The following TRAPPC9 variants were observed in gnomAD, a reference collection of about 807,000 sequenced individuals.
TRAPPC9 encodes trafficking protein particle complex subunit 9, also known as IKK2 binding protein.
Under a neutral mutation model 124.0 loss-of-function variants are expected in TRAPPC9, and 83 were observed. The ratio of observed to expected loss-of-function variants is 0.67; its 90% CI spans 0.56 to 0.80. The LOEUF (loss-of-function observed/expected upper bound fraction) is 0.80. Among genes scored for constraint, TRAPPC9 ranks in the 30% least tolerant of loss-of-function variants. The pLI, the probability that TRAPPC9 is intolerant of heterozygous loss-of-function variation, is 0.00. For synonymous variants in TRAPPC9, 638 were observed against 617.5 expected (o/e 1.03, Z -0.49); for missense variants, 1,302 against 1,508.3 (o/e 0.86, Z 2.27).
chr8:139,965,953 G>A (rs1835680741), intron 19 of TRAPPC9, among the ~76,000 whole-genome samples: 1 of 152,218 alleles, frequency 6.6e-6, no homozygotes, highest in African/African-American at 2.4e-5. Context: ...AAGGCCTTCC[G>A]GCACAGCACC....
intron 1 of TRAPPC9, among the ~76,000 whole-genome samples, chr8:140,455,256 C>T (rs1195293084): frequency 6.6e-6 from 1 of 152,090 alleles, no homozygotes; most frequent in Non-Finnish European, 1.5e-5. Flanking sequence ...CCTCGGCCTC[C>T]CGGGTAGCTG....
At chr8:140,386,960 A>C (rs1288162592) in intron 7 of TRAPPC9, among the ~76,000 whole-genome samples, 20 of 149,778 alleles carry the variant, frequency 1.3e-4, no homozygotes, top group South Asian at 2.1e-4. Context: ...TACTGGTACC[A>C]AAACAGAGAT....
intron 7 of TRAPPC9, among the ~76,000 whole-genome samples, chr8:140,393,138 C>A: frequency 6.6e-6 from 1 of 151,608 alleles, no homozygotes. Flanking sequence ...GTGGCGCCAT[C>A]TCGGCGCACT....
At chr8:139,807,777 C>T (rs563914796) in intron 21 of TRAPPC9, among the ~76,000 whole-genome samples, 121 of 150,476 alleles carry the variant, frequency 8.0e-4, no homozygotes, top group African/African-American at 2.9e-3. Context: ...AGTGTAGAGC[C>T]CAGAGGAGGA....
chr8:139,982,373 G>A (rs1398987803), intron 19 of TRAPPC9, among the ~76,000 whole-genome samples: 1 of 152,186 alleles, frequency 6.6e-6, no homozygotes, highest in African/African-American at 2.4e-5. Context: ...TGCCCCTGGT[G>A]GGTCTCGACC....
At chr8:140,401,044 C>CAG (rs1364295155) in intron 6 of TRAPPC9, among the ~76,000 whole-genome samples, 1 of 152,068 alleles carries the variant, frequency 6.6e-6, no homozygotes, top group African/African-American at 2.4e-5. Context: ...TGAAGAGAAA[C>CAG]AGAGGTTGGG....
intron 15 of TRAPPC9, among the ~76,000 whole-genome samples, chr8:140,268,835 C>T (rs879678744): frequency 7.9e-5 from 12 of 152,180 alleles, no homozygotes; most frequent in Non-Finnish European, 1.5e-4. Context: ...GGAGAGAAGA[C>T]GACCATGTTG....
At chr8:140,121,510 C>T (rs886102993) in intron 17 of TRAPPC9, among the ~76,000 whole-genome samples, 2 of 152,070 alleles carry the variant, frequency 1.3e-5, no homozygotes, top group Admixed American at 6.5e-5. Flanking sequence ...CTGCAGTGAC[C>T]CAGGGGAGAA....
At chr8:139,882,291 C>A (rs186537105) in intron 21 of TRAPPC9, among the ~76,000 whole-genome samples, 63 of 152,234 alleles carry the variant, frequency 4.1e-4, no homozygotes, top group African/African-American at 1.4e-3. Flanking sequence ...AGGTCCATGC[C>A]GCCCTGAGAT....
intron 7 of TRAPPC9, among the ~76,000 whole-genome samples, chr8:140,379,058 A>T (rs1363820168): frequency 6.6e-6 from 1 of 152,004 alleles, no homozygotes; most frequent in Non-Finnish European, 1.5e-5. Context: ...AAACTTAAGT[A>T]TTATTTGAAA....
At chr8:140,201,865 C>T (rs771634412) in intron 17 of TRAPPC9, among the ~76,000 whole-genome samples, 9 of 152,108 alleles carry the variant, frequency 5.9e-5, no homozygotes, top group Non-Finnish European at 1.3e-4. Context: ...AGCAGCAGTG[C>T]CGTGTCAGGC....
intron 17 of TRAPPC9, among the ~76,000 whole-genome samples, chr8:140,152,357 T>A (rs994054193): frequency 7.3e-5 from 6 of 81,966 alleles, no homozygotes; most frequent in East Asian, 6.4e-4. Context: ...ATTGCCATCT[T>A]TTTTTTTTTT....
intron 2 of TRAPPC9, among the ~76,000 whole-genome samples, chr8:140,440,300 G>A (rs2070966106): frequency 6.6e-6 from 1 of 152,108 alleles, no homozygotes; most frequent in African/African-American, 2.4e-5. Context: ...AAGGTCAGGA[G>A]ATCGAGACCA....
intron 13 of TRAPPC9, among the ~76,000 whole-genome samples, chr8:140,287,182 T>C (rs1588096741): frequency 6.6e-6 from 1 of 152,206 alleles, no homozygotes; most frequent in East Asian, 1.9e-4. Context: ...GCCCTGTATT[T>C]AGCCCAAAAA....
In TRAPPC9 at chr8:140,438,993, C is replaced by G. The variant is rs2070916173; in HGVS notation, c.730+59G>C. ...GCGTGAGCCACCGCACCCAGCCTCTCATTTTAATTAACAGTTGAAACAATT... is the reference window on the plus strand; with the variant it reads ...GCGTGAGCCACCGCACCCAGCCTCTGATTTTAATTAACAGTTGAAACAATT... On this transcript the variant is annotated intron_variant, in intron 3 of 22. Transcript: ENST00000438773. 3 of 1,610,882 alleles carry G rather than the reference C, an allele frequency of 1.9e-6. No homozygotes were observed. The East Asian group carries it at 6.7e-5, about 36-fold the overall frequency.
chr8:139,947,396 G>A (rs141501600), intron 19 of TRAPPC9, among the ~76,000 whole-genome samples: 60 of 152,294 alleles, frequency 3.9e-4, no homozygotes, highest in Admixed American at 1.7e-3. Flanking sequence ...GCCGCCGGGA[G>A]CAAAGGACAG....
At chr8:140,379,113 T>C (rs2068529681) in intron 7 of TRAPPC9, among the ~76,000 whole-genome samples, 1 of 152,182 alleles carries the variant, frequency 6.6e-6, no homozygotes. Context: ...TTTTTTTTTT[T>C]TTCATTAAAA....
rs533054391 is a variant in TRAPPC9, at chr8:139,732,832, G to A, written c.3056-630C>T. Among the ~76,000 whole-genome samples, 18 of 152,266 alleles carry A rather than the reference G, an allele frequency of 1.2e-4. No individual in the cohort carries two copies. In the South Asian group the frequency reaches 3.3e-3, roughly 28 times the overall value. On this transcript the variant is annotated intron_variant, in intron 21 of 22. Transcript: ENST00000438773. ...GTGCTCAGGGAAGTGGCACGGTTCT[G>A]GGACCCGTGGACCCTGCCAGGCAGG...
At chr8:140,149,633 A>G (rs1304196707) in intron 17 of TRAPPC9, among the ~76,000 whole-genome samples, 1 of 152,090 alleles carries the variant, frequency 6.6e-6, no homozygotes, top group Non-Finnish European at 1.5e-5. Context: ...CAAAAAAAAA[A>G]AAAAGAATAT....
Sources: gnomAD v4.1 joint callset for allele counts (sites outside exome capture counted in the v4.1 genomes callset) on GRCh38, gnomAD v4.1.1 for gene constraint, MANE v1.5 for transcripts, NCBI Gene and HGNC (gene_info 2026-07-23, HGNC 2026-07-21) for gene names.